RPRD1A: variants seen among roughly 807,000 people sequenced by gnomAD.
The protein encoded by RPRD1A is regulation of nuclear pre-mRNA domain-containing protein 1A.
RPRD1A carries 9 observed loss-of-function variants against 37.8 expected under a neutral mutation model. The ratio of observed to expected loss-of-function variants is 0.24; its 90% CI spans 0.14 to 0.42. The LOEUF (loss-of-function observed/expected upper bound fraction) is 0.42, where lower values mean the gene tolerates loss of function less well. Ranked by LOEUF, RPRD1A falls within the 10% of genes least tolerant of loss-of-function variation. RPRD1A has a pLI of 1.00. For synonymous variants in RPRD1A, 138 were observed against 139.7 expected (o/e 0.99, Z 0.08); for missense variants, 255 against 371.0 (o/e 0.69, Z 2.57).
In RPRD1A at chr18:36,019,128, G is replaced by C. The variant is rs187091207; in HGVS notation, c.789+7772C>G. Among the ~76,000 whole-genome samples, 209 of 126,232 alleles carry C rather than the reference G, an allele frequency of 1.7e-3. 1 individual carries two copies. The highest frequency in any genetic ancestry group is 6.4e-3 in the African/African-American group (197 of 30,924). The allele number at this position is 126,232 out of a possible 152,430, so 82.8% of individuals were successfully genotyped here. A position where few individuals can be genotyped will look rare whatever the true frequency, so the allele number is the denominator to read the frequency against. On this transcript the variant is annotated intron_variant, in intron 6 of 6. Transcript: ENST00000399022. ...TTTTTTTTTTTTTTTTTTTTTTGGA[G>C]ACAGAGTCTCGCTCTGTCGCCCAGG...
intron 6 of RPRD1A, among the ~76,000 whole-genome samples, chr18:36,020,574 G>A (rs562777878): frequency 1.5e-4 from 23 of 152,256 alleles, no homozygotes; most frequent in African/African-American, 5.1e-4. Context: ...TGAGTGAAAA[G>A]TTAACTGAAG....
At chr18:36,037,724 C>T (rs939700166) in intron 1 of RPRD1A, among the ~76,000 whole-genome samples, 1 of 152,094 alleles carries the variant, frequency 6.6e-6, no homozygotes, top group African/African-American at 2.4e-5. Context: ...ATGGCTTTGA[C>T]CAAAATGCTG....
chr18:36,008,385 C>T (rs1909896181), intron 6 of RPRD1A, among the ~76,000 whole-genome samples: 1 of 151,238 alleles, frequency 6.6e-6, no homozygotes, highest in South Asian at 2.1e-4. Flanking sequence ...CAAGACCAGC[C>T]TGGGCAACAC....
At chr18:36,060,846 A>AG (rs1297665736) in intron 1 of RPRD1A, among the ~76,000 whole-genome samples, 1 of 152,110 alleles carries the variant, frequency 6.6e-6, no homozygotes, top group East Asian at 1.9e-4. Flanking sequence ...TAGAAAAAAT[A>AG]AGCCCAGCAT....
At chr18:36,033,299 CAAAAAAAAAAAA>C (rs71166085) in intron 2 of RPRD1A, among the ~76,000 whole-genome samples, 16 of 75,942 alleles carry the variant, frequency 2.1e-4, no homozygotes, top group South Asian at 4.8e-4. Context: ...GACTCTGTCT[CAAAAAAAAAAAA>C]AAAAAAAAAA....
chr18:36,006,899 G>T (rs1598603160), intron 6 of RPRD1A, among the ~76,000 whole-genome samples: 1 of 152,178 alleles, frequency 6.6e-6, no homozygotes, highest in African/African-American at 2.4e-5. Flanking sequence ...CTAAGACAGA[G>T]AGTCGAGGAA....
intron 1 of RPRD1A, among the ~76,000 whole-genome samples, chr18:36,045,132 C>T (rs1001142593): frequency 6.6e-6 from 1 of 151,952 alleles, no homozygotes; most frequent in African/African-American, 2.4e-5. Context: ...CCCTGCTACT[C>T]GGGAGGCTGA....
intron 6 of RPRD1A, chr18:36,025,676 T>C (rs1568129313): frequency 7.8e-7 from 1 of 1,281,934 alleles, no homozygotes; most frequent in Non-Finnish European, 1.0e-6. Context: ...CCATGTCCAA[T>C]ATCTGCAACA....
Position 35,993,118 on chromosome 18 carries a change from C to A in RPRD1A, c.*33G>T. Reference sequence around the variant, plus strand: ...CCACCTAACCTGTCTCCATCTCTTGCAAAGTCCTGGGACCTGGAAAGAGGC... The same window carrying A: ...CCACCTAACCTGTCTCCATCTCTTGAAAAGTCCTGGGACCTGGAAAGAGGC... On this transcript the variant is annotated 3_prime_UTR_variant, in exon 7 of 7. Transcript: ENST00000399022. 1 of 1,592,896 alleles carries A rather than the reference C, an allele frequency of 6.3e-7. No individual in the cohort carries two copies.
chr18:36,063,004 A>C (rs2088947252), intron 1 of RPRD1A: 1 of 152,210 alleles, frequency 6.6e-6, no homozygotes, highest in Admixed American at 6.5e-5. Flanking sequence ...TACTGCATTT[A>C]TCAGGAAAAT....
rs1598686633 is a variant in RPRD1A at position 36,067,505 on chromosome 18, C to G, written c.-101G>C. The G allele has an allele frequency of 2.4e-6, 3 of 1,256,938 alleles. No homozygotes were observed. Among genetic ancestry groups the G allele is most frequent in the Non-Finnish European group, 3.3e-6 (3 of 913,674 alleles). 77.9% of individuals were successfully genotyped at this position (1,256,938 alleles called of 1,614,324 possible). On this transcript the variant is annotated 5_prime_UTR_variant, in exon 1 of 7. Coordinates refer to ENST00000399022, the MANE Select transcript of RPRD1A (RefSeq NM_018170.5). The stretch of plus-strand genomic sequence containing the variant: ...CTCGCCCCCTCACCCCACCCTTCCC[C>G]ACGCTCTCACCACGGCCGCCGCTTC...
chr18:36,008,571 G>GTATATATATATATATATA (rs1359543093), intron 6 of RPRD1A, among the ~76,000 whole-genome samples: 1,078 of 27,688 alleles, frequency 0.039, 52 homozygotes, highest in Middle Eastern at 0.11. Context: ...GCAAGACCTT[G>GTATATATATATATATATA]TGTGTGTATA....
At chr18:36,022,008 TG>T (rs1261637006) in intron 6 of RPRD1A, among the ~76,000 whole-genome samples, 1 of 151,668 alleles carries the variant, frequency 6.6e-6, no homozygotes, top group African/African-American at 2.4e-5. Flanking sequence ...CAAAAAAAGG[TG>T]GGGGGCTACT....
chr18:36,005,627 G>C (rs1002630109), intron 6 of RPRD1A, among the ~76,000 whole-genome samples: 1 of 152,172 alleles, frequency 6.6e-6, no homozygotes, highest in Admixed American at 6.5e-5. Context: ...CTGAATTTTA[G>C]AGCTAGGTCT....
intron 1 of RPRD1A, among the ~76,000 whole-genome samples, chr18:36,035,744 A>C (rs1470231498): frequency 6.6e-6 from 1 of 152,240 alleles, no homozygotes; most frequent in Non-Finnish European, 1.5e-5. Context: ...TATTCAATAA[A>C]GTATTATTCA....
chr18:36,067,142 G>A (rs775382185), intron 1 of RPRD1A, 112 bp downstream of exon 1: 1,224 of 1,182,762 alleles, frequency 1.0e-3, no homozygotes, highest in Admixed American at 1.4e-3. Context: ...AGACCACCGC[G>A]CGCTGGCATC....
chr18:36,010,078 GAT>G (rs1272397650), intron 6 of RPRD1A, among the ~76,000 whole-genome samples: 3 of 151,676 alleles, frequency 2.0e-5, no homozygotes, highest in East Asian at 3.9e-4. Context: ...AATATGGTAT[GAT>G]ATGTTAGTTA....
rs6507156 is a variant in RPRD1A at position 36,016,198 on chromosome 18, C to T, written c.789+10702G>A. On this transcript the variant is annotated intron_variant, in intron 6 of 6. Coordinates refer to ENST00000399022, the MANE Select transcript of RPRD1A (RefSeq NM_018170.5). Reference sequence around the variant, plus strand: ...GTTAAGAGTTCCCATTTCCACAACCCCATGTCATTACAAAGAATATCTTTT... The same window carrying T: ...GTTAAGAGTTCCCATTTCCACAACCTCATGTCATTACAAAGAATATCTTTT... Among the ~76,000 whole-genome samples, 1,196 of 152,256 alleles carry T rather than the reference C, an allele frequency of 7.9e-3. 24 individuals carry two copies. The highest frequency in any genetic ancestry group is 0.027 in the African/African-American group (1,133 of 41,566).
intron 6 of RPRD1A, among the ~76,000 whole-genome samples, chr18:35,995,720 GA>G (rs142307160): frequency 6.6e-6 from 1 of 152,182 alleles, no homozygotes; most frequent in African/African-American, 2.4e-5. Flanking sequence ...AGTACAGTAT[GA>G]AAAGGAGGGA....
Sources: gnomAD v4.1 joint callset for allele counts (sites outside exome capture counted in the v4.1 genomes callset) on GRCh38, gnomAD v4.1.1 for gene constraint, MANE v1.5 for transcripts, NCBI Gene and HGNC (gene_info 2026-07-23, HGNC 2026-07-21) for gene names.